The following L3HYPDH variants were observed in gnomAD, a reference collection of about 807,000 sequenced individuals.
The protein encoded by L3HYPDH is trans-3-hydroxy-L-proline dehydratase.
In L3HYPDH, 32 loss-of-function variants were observed where a neutral mutation model predicts 26.5. The observed-to-expected ratio is 1.21, with a 90% CI of 0.91 to 1.62. The LOEUF (loss-of-function observed/expected upper bound fraction) is 1.62. Ranked by LOEUF, L3HYPDH falls within the 40% of genes most tolerant of loss-of-function variation. L3HYPDH has a pLI of 0.00. For missense variants in L3HYPDH, 554 were observed against 476.4 expected (o/e 1.16, Z -1.52); for synonymous variants, 215 against 196.6 (o/e 1.09, Z -0.78).
In L3HYPDH at chr14:59,484,120, A is replaced by G. The variant is rs139828539; in HGVS notation, c.197T>C (p.Met66Thr). The G allele has an allele frequency of 4.4e-6, 7 of 1,603,404 alleles. No individual in the cohort carries two copies. In the African/African-American group the frequency reaches 6.7e-5, roughly 15 times the overall value. ...QHLDHVRRRL[M>T]FEPRGHRDMY... ...GTCCCGGTGCCCTCGGGGCTCGAAC[A>G]TGAGCCGTCGCCGCACGTGGTCAAG... The change falls in exon 1 of 5, where the codon ATG (methionine) becomes ACG (threonine). Residue 66 changes from methionine (M) to threonine (T), a missense_variant. Coordinates refer to ENST00000247194, the MANE Select transcript of L3HYPDH (RefSeq NM_144581.2).
chr14:59,472,458 A>G (rs901786362), downstream of L3HYPDH, among the ~76,000 whole-genome samples: 1 of 151,928 alleles, frequency 6.6e-6, no homozygotes, highest in Non-Finnish European at 1.5e-5. Flanking sequence ...CAGCTATAAC[A>G]AAGAAGCTGA....
At chr14:59,490,003 A>G in the L3HYPDH span, among the ~76,000 whole-genome samples, 8 of 152,236 alleles carry the variant, frequency 5.3e-5, 1 homozygote, top group South Asian at 1.0e-3. Flanking sequence ...GGTTACTGCA[A>G]CCTTGACTTC....
At chr14:59,495,154 A>G in the L3HYPDH span, 1 of 1,613,840 alleles carries the variant, frequency 6.2e-7, no homozygotes, top group South Asian at 1.1e-5. Context: ...TGACTGGTAC[A>G]CGATGCTTTA....
At chr14:59,476,043 G>T in intron 3 of L3HYPDH, 37 bp from the exon 4 acceptor site, 1 of 1,613,826 alleles carries the variant, frequency 6.2e-7, no homozygotes, top group South Asian at 1.1e-5. Context: ...TGTTCATAGT[G>T]TGTTCCATAT....
chr14:59,478,067 A>G (rs998269130), intron 2 of L3HYPDH, among the ~76,000 whole-genome samples: 1 of 152,212 alleles, frequency 6.6e-6, no homozygotes, highest in African/African-American at 2.4e-5. Context: ...CTTCTTAGCA[A>G]TGTAGGAAAA....
the L3HYPDH span, chr14:59,498,769 A>T: frequency 6.3e-7 from 1 of 1,599,370 alleles, no homozygotes; most frequent in Non-Finnish European, 8.6e-7. Flanking sequence ...GCTTGGTATT[A>T]ATGATGCTGC....
downstream of L3HYPDH, among the ~76,000 whole-genome samples, chr14:59,467,942 A>T (rs896563955): frequency 6.6e-6 from 1 of 152,214 alleles, no homozygotes; most frequent in Non-Finnish European, 1.5e-5. Flanking sequence ...GCATCCATTC[A>T]TCTCCTCCAT....
chr14:59,484,527 T>A, upstream of L3HYPDH: 13 of 1,553,424 alleles, frequency 8.4e-6, no homozygotes, highest in Non-Finnish European at 1.1e-5. Flanking sequence ...GTGGCCCGGA[T>A]GTTCGGTGCA....
At chr14:59,488,519 A>G (rs184243126), upstream of L3HYPDH, among the ~76,000 whole-genome samples, 1 of 152,310 alleles carries the variant, frequency 6.6e-6, no homozygotes, top group African/African-American at 2.4e-5. Flanking sequence ...AGAGGTATGA[A>G]ATATGTGATC....
chr14:59,499,500 A>G, the L3HYPDH span, among the ~76,000 whole-genome samples: 1 of 152,194 alleles, frequency 6.6e-6, no homozygotes, highest in Non-Finnish European at 1.5e-5. Flanking sequence ...CCATTAATTC[A>G]TTTGTTTAGT....
upstream of L3HYPDH, chr14:59,486,855 T>G (rs1890619811): frequency 9.8e-6 from 12 of 1,228,592 alleles, no homozygotes; most frequent in Middle Eastern, 4.1e-4. Flanking sequence ...TATTTGCTTT[T>G]GAAATATTTT....
At chr14:59,483,747 A>T in intron 1 of L3HYPDH, 62 bp downstream of exon 1, 1 of 1,556,822 alleles carries the variant, frequency 6.4e-7, no homozygotes, top group Non-Finnish European at 8.6e-7. Flanking sequence ...AAAAACCGTT[A>T]ATGTAGTTAG....
chr14:59,489,738 C>T, the L3HYPDH span, among the ~76,000 whole-genome samples: 1 of 152,102 alleles, frequency 6.6e-6, no homozygotes, highest in African/African-American at 2.4e-5. Context: ...GTTTTGCAGG[C>T]TGTACATGAA....
At chr14:59,487,758 C>A, upstream of L3HYPDH, 3 of 1,613,348 alleles carry the variant, frequency 1.9e-6, no homozygotes, top group Non-Finnish European at 2.5e-6. Context: ...TTGGCTCTAT[C>A]TTGGATTTAT....
upstream of L3HYPDH, chr14:59,486,869 A>G (rs1023968718): frequency 2.7e-6 from 3 of 1,125,736 alleles, no homozygotes; most frequent in East Asian, 7.7e-5. Context: ...ATATTTTCAC[A>G]TACAACATTT....
Position 59,472,744 on chromosome 14 carries a change from G to C in L3HYPDH, c.*221C>G, listed in dbSNP as rs1889353681. On this transcript the variant is annotated 3_prime_UTR_variant, in exon 5 of 5. Coordinates refer to ENST00000247194, the MANE Select transcript of L3HYPDH (RefSeq NM_144581.2). ...ACGTTAATCACTAGAAAAAGACTCT[G>C]AATTTCTGGCATTTTGTATGCTAGA... 2.6e-6 allele frequency: 1 copy of C among 378,494 alleles called. No homozygotes were observed. Among genetic ancestry groups the C allele is most frequent in the African/African-American group, 2.1e-5 (1 of 47,722 alleles). The allele number at this position is 378,494 out of a possible 1,614,324, so 23.4% of individuals were successfully genotyped here.
At chr14:59,472,258 T>A (rs1271367026), downstream of L3HYPDH, among the ~76,000 whole-genome samples, 1 of 152,238 alleles carries the variant, frequency 6.6e-6, no homozygotes, top group Non-Finnish European at 1.5e-5. Flanking sequence ...CATTCCATTG[T>A]AAGGATTCAC....
chr14:59,484,456 C>T, upstream of L3HYPDH: 2 of 1,377,566 alleles, frequency 1.5e-6, no homozygotes, highest in South Asian at 1.3e-5. Flanking sequence ...AACCCGGAAG[C>T]GAGGGAGGAA....
the L3HYPDH span, among the ~76,000 whole-genome samples, chr14:59,503,178 G>A: frequency 6.6e-6 from 1 of 152,130 alleles, no homozygotes; most frequent in Admixed American, 6.5e-5. Context: ...GCATGAATCA[G>A]AAATGGGGAC....
Sources: gnomAD v4.1 joint callset for allele counts (sites outside exome capture counted in the v4.1 genomes callset) on GRCh38, gnomAD v4.1.1 for gene constraint, MANE v1.5 for transcripts, NCBI Gene and HGNC (gene_info 2026-07-23, HGNC 2026-07-21) for gene names.